ZNF569: variants seen among roughly 807,000 people sequenced by gnomAD.
ZNF569 encodes zinc finger protein 569.
A neutral mutation model predicts 56.3 loss-of-function variants in ZNF569; 38 were observed. The observed-to-expected ratio is 0.68, with a 90% CI of 0.52 to 0.88. The LOEUF is 0.88. Among genes scored for constraint, ZNF569 ranks in the 40% least tolerant of loss-of-function variants. The pLI, the probability that ZNF569 is intolerant of heterozygous loss-of-function variation, is 0.00. For missense variants in ZNF569, 666 were observed against 809.2 expected (o/e 0.82, Z 2.15); for synonymous variants, 241 against 262.9 (o/e 0.92, Z 0.81).
intron 2 of ZNF569, among the ~76,000 whole-genome samples, chr19:37,461,129 G>A (rs1005058769): frequency 6.6e-5 from 10 of 152,036 alleles, no homozygotes; most frequent in African/African-American, 1.7e-4. Flanking sequence ...AAGAGTTGAC[G>A]AGGAAAATTT....
intron 5 of ZNF569, among the ~76,000 whole-genome samples, chr19:37,418,101 AAATAATAATAATAATAAT>A (rs199794961): frequency 1.4e-5 from 2 of 143,292 alleles, no homozygotes; most frequent in East Asian, 2.0e-4. Context: ...ACTCCATCTC[AAATAATAATAATAATAAT>A]AATAATAATA....
intron 3 of ZNF569, among the ~76,000 whole-genome samples, chr19:37,443,724 G>A (rs187500204): frequency 5.5e-4 from 84 of 151,770 alleles, no homozygotes; most frequent in African/African-American, 2.0e-3. Flanking sequence ...TTAAATTTAC[G>A]GGCCGGGCGC....
At chr19:37,454,344 C>T (rs536656360) in intron 2 of ZNF569, among the ~76,000 whole-genome samples, 8 of 151,966 alleles carry the variant, frequency 5.3e-5, no homozygotes, top group South Asian at 4.2e-4. Flanking sequence ...GTTGAGTAGA[C>T]GGAGGGATAG....
At chr19:37,433,143 C>CT (rs2146909417) in intron 3 of ZNF569, among the ~76,000 whole-genome samples, 1 of 152,106 alleles carries the variant, frequency 6.6e-6, no homozygotes, top group South Asian at 2.1e-4. Flanking sequence ...TCTCAAACTC[C>CT]TGGGCTCAAG....
chr19:37,453,696 G>GT (rs2041630131), intron 2 of ZNF569, among the ~76,000 whole-genome samples: 1 of 148,900 alleles, frequency 6.7e-6, no homozygotes, highest in African/African-American at 2.5e-5. Flanking sequence ...TTTTGTTTTG[G>GT]TATTTATCTC....
chr19:37,415,634 G>GC (rs751800149), intron 5 of ZNF569, among the ~76,000 whole-genome samples: 47 of 151,946 alleles, frequency 3.1e-4, no homozygotes, highest in Non-Finnish European at 5.9e-4. Flanking sequence ...ACTTTGGGAG[G>GC]CCAAGGCGGG....
chr19:37,432,731 A>G (rs1197211651), intron 3 of ZNF569, among the ~76,000 whole-genome samples: 1 of 152,218 alleles, frequency 6.6e-6, no homozygotes, highest in East Asian at 1.9e-4. Flanking sequence ...CCTTTCAGAT[A>G]GAGAATTCAG....
chr19:37,414,556 A>G (rs2040897066), intron 5 of ZNF569, 137 bp from the exon 6 acceptor site: 2 of 1,335,792 alleles, frequency 1.5e-6, no homozygotes, highest in South Asian at 1.8e-5. Flanking sequence ...AACATTTTCA[A>G]CTGCATATAT....
chr19:37,430,986 A>G (rs1274837512), intron 3 of ZNF569, among the ~76,000 whole-genome samples: 1 of 152,172 alleles, frequency 6.6e-6, no homozygotes, highest in African/African-American at 2.4e-5. Context: ...CCCACACCAG[A>G]AGTATTTGGA....
Position 37,414,263 on chromosome 19 carries a change from G to T in ZNF569, c.395C>A (p.Ser132Tyr). 6.2e-7 allele frequency: 1 copy of T among 1,613,370 alleles called. No individual in the cohort carries two copies. The highest frequency in any genetic ancestry group is 8.5e-7 in the Non-Finnish European group (1 of 1,179,714). Residue 132 changes from serine (S) to tyrosine (Y), a missense_variant, in exon 6 of 6, where the codon TCC becomes TAC. Coordinates refer to ENST00000316950, the MANE Select transcript of ZNF569 (RefSeq NM_152484.3). ...GTCATACTCATAGAGATTGTGTCTG[G>T]AAGGGAAAAAATCAGAGTTCAGAGG... ...VFPLNSDFFP[S>Y]RHNLYEYDLF... is the part of the protein sequence containing the mutation.
At chr19:37,428,272 C>T (rs1600305518) in intron 3 of ZNF569, among the ~76,000 whole-genome samples, 1 of 151,928 alleles carries the variant, frequency 6.6e-6, no homozygotes, top group Non-Finnish European at 1.5e-5. Flanking sequence ...TTTGGGAAGC[C>T]GAGGTGGGAG....
intron 3 of ZNF569, among the ~76,000 whole-genome samples, chr19:37,436,330 G>A (rs114239854): frequency 0.018 from 2,672 of 151,872 alleles, 96 homozygotes; most frequent in African/African-American, 0.061. Context: ...CATGGGATAT[G>A]GCAAAAGCAG....
chr19:37,442,482 G>C (rs1170883757), intron 3 of ZNF569, among the ~76,000 whole-genome samples: 1 of 152,214 alleles, frequency 6.6e-6, no homozygotes, highest in Non-Finnish European at 1.5e-5. Context: ...GGCATACCAA[G>C]AGGGGCTTTG....
intron 3 of ZNF569, among the ~76,000 whole-genome samples, chr19:37,430,537 C>A (rs146594855): frequency 1.1e-3 from 164 of 151,926 alleles, no homozygotes; most frequent in African/African-American, 3.5e-3. Flanking sequence ...TCATCAAACA[C>A]AATGGAGGAC....
chr19:37,424,769 T>C (rs1280746172), intron 5 of ZNF569, among the ~76,000 whole-genome samples: 1 of 138,372 alleles, frequency 7.2e-6, no homozygotes, highest in African/African-American at 2.8e-5. Flanking sequence ...TGAGCCAAGA[T>C]TGCACCACTG....
intron 5 of ZNF569, among the ~76,000 whole-genome samples, chr19:37,419,874 G>A (rs2041000546): frequency 6.6e-6 from 1 of 151,672 alleles, no homozygotes; most frequent in South Asian, 2.1e-4. Flanking sequence ...GCTGATAGGT[G>A]TCTTCCTCAA....
At chr19:37,421,040 C>T (rs1271140694) in intron 5 of ZNF569, among the ~76,000 whole-genome samples, 1 of 152,176 alleles carries the variant, frequency 6.6e-6, no homozygotes, top group Non-Finnish European at 1.5e-5. Context: ...ATACTATTTT[C>T]AAAGGAACTT....
At chr19:37,458,100 G>C (rs1185436023) in intron 2 of ZNF569, among the ~76,000 whole-genome samples, 1 of 152,026 alleles carries the variant, frequency 6.6e-6, no homozygotes, top group Non-Finnish European at 1.5e-5. Flanking sequence ...TGAACACTTG[G>C]GCTCAAGTGA....
intron 5 of ZNF569, among the ~76,000 whole-genome samples, chr19:37,419,395 G>A (rs890415442): frequency 9.2e-5 from 14 of 152,176 alleles, no homozygotes; most frequent in African/African-American, 2.7e-4. Flanking sequence ...AATAAAGCAT[G>A]TCACACAACA....
Sources: gnomAD v4.1 joint callset for allele counts (sites outside exome capture counted in the v4.1 genomes callset) on GRCh38, gnomAD v4.1.1 for gene constraint, MANE v1.5 for transcripts, NCBI Gene and HGNC (gene_info 2026-07-23, HGNC 2026-07-21) for gene names.